CTNNA2: variants seen among roughly 807,000 people sequenced by gnomAD.
The protein encoded by CTNNA2 is catenin alpha 2, also known as catenin alpha-2.
Under a neutral mutation model 101.0 loss-of-function variants are expected in CTNNA2, and 42 were observed. The ratio of observed to expected loss-of-function variants is 0.42; its 90% CI spans 0.32 to 0.54. CTNNA2 has a LOEUF of 0.54. Ranked by LOEUF, CTNNA2 falls within the 20% of genes least tolerant of loss-of-function variation. CTNNA2 has a pLI of 0.14. For missense variants in CTNNA2, 871 were observed against 1,223.1 expected (o/e 0.71, Z 4.29); for synonymous variants, 450 against 456.4 (o/e 0.99, Z 0.18).
chr2:79,760,194 G>T (rs185612980), intron 3 of CTNNA2, among the ~76,000 whole-genome samples: 35 of 152,262 alleles, frequency 2.3e-4, no homozygotes, highest in Admixed American at 1.8e-3. Flanking sequence ...CTGATAGATA[G>T]AAAGCATTAT....
chr2:80,329,310 T>C lies in CTNNA2; in HGVS notation c.1057-63901T>C, dbSNP rs113891176. Among the ~76,000 whole-genome samples the C allele has an allele frequency of 1.1e-3, 169 of 152,324 alleles. 1 individual carries two copies. The highest frequency in any genetic ancestry group is 3.8e-3 in the African/African-American group (159 of 41,574). On this transcript the variant is annotated intron_variant, in intron 7 of 18. Coordinates refer to ENST00000402739, the MANE Select transcript of CTNNA2 (RefSeq NM_001282597.3). ...TAATGTTTTGTTTGAGGAAACAAGA[T>C]GTCTGTTATAAACACTTAGAGAAAA...
intron 4 of CTNNA2, among the ~76,000 whole-genome samples, chr2:79,460,712 C>T (rs1165441737): frequency 6.6e-6 from 1 of 152,216 alleles, no homozygotes. Context: ...AGATTTCTCT[C>T]TTCCTCACCC....
At chr2:79,934,132 T>C (rs1379484744) in intron 7 of CTNNA2, among the ~76,000 whole-genome samples, 1 of 152,254 alleles carries the variant, frequency 6.6e-6, no homozygotes, top group Non-Finnish European at 1.5e-5. Context: ...ATTATATGCC[T>C]ATATGGTCTG....
At chr2:80,239,807 G>A (rs1373342540) in intron 7 of CTNNA2, among the ~76,000 whole-genome samples, 1 of 151,942 alleles carries the variant, frequency 6.6e-6, no homozygotes, top group African/African-American at 2.4e-5. Flanking sequence ...AGCTACTCGG[G>A]AGGCTGAGGC....
At chr2:79,703,908 A>C (rs1685173294) in intron 2 of CTNNA2, among the ~76,000 whole-genome samples, 2 of 151,404 alleles carry the variant, frequency 1.3e-5, no homozygotes, top group South Asian at 2.1e-4. Context: ...TTTTCATATA[A>C]ATTTATATTT....
intron 2 of CTNNA2, among the ~76,000 whole-genome samples, chr2:79,274,778 A>T (rs1675170769): frequency 6.6e-6 from 1 of 152,052 alleles, no homozygotes; most frequent in African/African-American, 2.4e-5. Context: ...GCAATGCAAT[A>T]TTGTTTCAAA....
intron 7 of CTNNA2, among the ~76,000 whole-genome samples, chr2:80,002,937 C>T (rs557527428): frequency 4.7e-4 from 71 of 152,270 alleles, no homozygotes; most frequent in African/African-American, 1.0e-3. Flanking sequence ...ATTTTATACA[C>T]GCTGGGATGC....
intron 9 of CTNNA2, among the ~76,000 whole-genome samples, chr2:80,506,394 A>C (rs891791087): frequency 6.6e-6 from 1 of 152,066 alleles, no homozygotes; most frequent in Non-Finnish European, 1.5e-5. Context: ...TTAGTGGGGG[A>C]CTTCAAACAA....
chr2:79,487,351 C>T (rs1671168296), intron 4 of CTNNA2, among the ~76,000 whole-genome samples: 1 of 152,204 alleles, frequency 6.6e-6, no homozygotes, highest in Non-Finnish European at 1.5e-5. Context: ...TATAAACATG[C>T]TGCTTCTCAT....
intron 9 of CTNNA2, among the ~76,000 whole-genome samples, chr2:80,531,536 G>A (rs530116487): frequency 2.0e-5 from 3 of 152,308 alleles, no homozygotes; most frequent in Admixed American, 1.3e-4. Context: ...CCAGATGGCA[G>A]TACTGACTCA....
chr2:80,507,751 T>G (rs1688386226), intron 9 of CTNNA2, among the ~76,000 whole-genome samples: 1 of 152,196 alleles, frequency 6.6e-6, no homozygotes, highest in Non-Finnish European at 1.5e-5. Context: ...CAATGTATAA[T>G]ATTACCATGC....
intron 3 of CTNNA2, among the ~76,000 whole-genome samples, chr2:79,854,372 C>T (rs1353858219): frequency 6.6e-6 from 1 of 152,182 alleles, no homozygotes; most frequent in Non-Finnish European, 1.5e-5. Context: ...TTGAATGCAT[C>T]GTCTCTAATT....
chr2:79,719,618 T>C (rs550338844), intron 2 of CTNNA2, among the ~76,000 whole-genome samples: 200 of 152,328 alleles, frequency 1.3e-3, no homozygotes, highest in African/African-American at 4.6e-3. Context: ...TATCTCATTA[T>C]GGTGTTGATT....
intron 7 of CTNNA2, among the ~76,000 whole-genome samples, chr2:80,142,479 T>C (rs1008623557): frequency 6.6e-6 from 1 of 152,120 alleles, no homozygotes; most frequent in South Asian, 2.1e-4. Flanking sequence ...CAACAAGAAC[T>C]GTTAACAGAT....
At chr2:79,302,964 C>G (rs1363862525) in intron 2 of CTNNA2, among the ~76,000 whole-genome samples, 1 of 152,106 alleles carries the variant, frequency 6.6e-6, no homozygotes, top group Non-Finnish European at 1.5e-5. Flanking sequence ...AGAAGTTAAC[C>G]AACTTGACCA....
chr2:79,859,642 C>G (rs1429315179), intron 4 of CTNNA2, among the ~76,000 whole-genome samples: 1 of 151,198 alleles, frequency 6.6e-6, no homozygotes, highest in Non-Finnish European at 1.5e-5. Context: ...ATTTTTTCCT[C>G]TCCTCCTTAG....
At chr2:80,007,312 T>G (rs569343607) in intron 7 of CTNNA2, among the ~76,000 whole-genome samples, 42 of 152,076 alleles carry the variant, frequency 2.8e-4, no homozygotes, top group Non-Finnish European at 5.1e-4. Context: ...TGTATCCAAG[T>G]TTTTCCTTTT....
chr2:79,601,117 C>T (rs1458793635), intron 1 of CTNNA2, among the ~76,000 whole-genome samples: 1 of 152,196 alleles, frequency 6.6e-6, no homozygotes, highest in East Asian at 1.9e-4. Context: ...GTTCACATTG[C>T]AGATAGAAAT....
intron 3 of CTNNA2, among the ~76,000 whole-genome samples, chr2:79,789,167 G>A (rs191467837): frequency 3.3e-5 from 5 of 152,154 alleles, no homozygotes; most frequent in African/African-American, 1.2e-4. Context: ...TTCTAGTCAC[G>A]AGTCAAACCT....
Sources: allele counts gnomAD v4.1 joint callset (sites outside exome capture counted in the v4.1 genomes callset), GRCh38; gene constraint gnomAD v4.1.1; transcripts MANE v1.5; gene names NCBI Gene and HGNC (gene_info 2026-07-23, HGNC 2026-07-21).